The following MYRIP variants were observed in gnomAD, a reference collection of about 807,000 sequenced individuals.
The protein encoded by MYRIP is myosin VIIA and Rab interacting protein, also known as rab effector MyRIP.
Under a neutral mutation model 98.0 loss-of-function variants are expected in MYRIP, and 49 were observed. That is an observed-to-expected ratio of 0.50 (90% CI 0.40 to 0.63). MYRIP has a LOEUF of 0.63. Among genes scored for constraint, MYRIP ranks in the 30% least tolerant of loss-of-function variants. The probability of loss-of-function intolerance (pLI) is 0.00; values close to 1 mark genes in which losing one functional copy is unlikely to be tolerated. For missense variants in MYRIP, 1,004 were observed against 1,058.2 expected, an observed-to-expected ratio of 0.95 and a Z score of 0.71; for synonymous variants, 404 against 409.5, an observed-to-expected ratio of 0.99 and a Z score of 0.16.
intron 11 of MYRIP, among the ~76,000 whole-genome samples, chr3:40,212,606 TAAAA>T (rs889238307): frequency 1.3e-5 from 2 of 151,950 alleles, no homozygotes; most frequent in Non-Finnish European, 2.9e-5. Flanking sequence ...CCATCTCTAC[TAAAA>T]AATTAGCCAG....
rs571786141 is a variant in MYRIP, at chr3:40,221,701, A to G, written c.1905+11608A>G. On this transcript the variant is annotated intron_variant, in intron 11 of 16. Transcript: ENST00000302541. ...AACAGGCAGCCTGCCACCATAAAAT[A>G]GTGGGAGCACATATTAGAGTCTGAT... Among the ~76,000 whole-genome samples, 26 of 152,372 alleles carry G rather than the reference A, an allele frequency of 1.7e-4. 1 individual carries two copies. Among genetic ancestry groups the G allele is most frequent in the Non-Finnish European group, 2.1e-4 (14 of 68,040 alleles).
intron 13 of MYRIP, chr3:40,248,201 G>C (rs1953263815): frequency 6.6e-6 from 1 of 152,272 alleles, no homozygotes; most frequent in Non-Finnish European, 1.5e-5. Flanking sequence ...CTACTTTTGA[G>C]ACAGAGTGCC....
At position 40,051,594 on chromosome 3, in the gene MYRIP, C is replaced by T. The variant is rs1947796466; in HGVS notation, c.332+7323C>T. 2.0e-5 allele frequency among the ~76,000 whole-genome samples: 3 copies of T among 152,168 alleles called. No individual in the cohort carries two copies. In the South Asian group the frequency reaches 6.2e-4, roughly 32 times the overall value. ...TATTGTGGTGGTCTGGAACTGAACCCACAATATGCCCAAGGTGTGCCTACA... is the reference window on the plus strand; with the variant it reads ...TATTGTGGTGGTCTGGAACTGAACCTACAATATGCCCAAGGTGTGCCTACA... On this transcript the variant is annotated intron_variant, in intron 3 of 16. Transcript: ENST00000302541.
chr3:40,189,920 C>T lies in MYRIP; in HGVS notation c.1122C>T (p.Ser374=), dbSNP rs758443012. The T allele has an allele frequency of 2.2e-5, 36 of 1,614,054 alleles. No homozygotes were observed. The highest frequency in any genetic ancestry group is 1.2e-4 in the Admixed American group (7 of 60,008). The change falls in exon 10 of 17, where the codon AGC becomes AGT. Residue 374 remains serine (S), a synonymous_variant. Transcript: ENST00000302541. Reference sequence around the variant, plus strand: ...CCCGACTACTGGCCAAACCTAAGAGCGGGACGTTTCAGGCCCTGGAGGTGG... The same window carrying T: ...CCCGACTACTGGCCAAACCTAAGAGTGGGACGTTTCAGGCCCTGGAGGTGG... The part of the protein sequence containing the change: ...PPTRLLAKPK[S]GTFQALEVAS...
intron 2 of MYRIP, among the ~76,000 whole-genome samples, chr3:39,931,622 T>C (rs1944539163): frequency 6.6e-6 from 1 of 152,188 alleles, no homozygotes; most frequent in Non-Finnish European, 1.5e-5. Context: ...CAGTCTTTAT[T>C]CATGAACTAT....
chr3:40,183,549 G>C (rs923331161), intron 9 of MYRIP, among the ~76,000 whole-genome samples: 9 of 152,200 alleles, frequency 5.9e-5, no homozygotes, highest in African/African-American at 2.2e-4. Context: ...ACCCATCACT[G>C]TGGGTGACGG....
intron 10 of MYRIP, among the ~76,000 whole-genome samples, chr3:40,195,446 C>T (rs571174079): frequency 1.7e-4 from 26 of 152,244 alleles, no homozygotes; most frequent in African/African-American, 5.1e-4. Flanking sequence ...GAGTTCATCA[C>T]CATGCCCAGC....
chr3:40,255,751 G>A (rs1447919682), intron 16 of MYRIP, among the ~76,000 whole-genome samples: 1 of 152,134 alleles, frequency 6.6e-6, no homozygotes, highest in Non-Finnish European at 1.5e-5. Flanking sequence ...TCCCTTATCA[G>A]CCTTTGACAG....
intron 3 of MYRIP, among the ~76,000 whole-genome samples, chr3:40,094,828 TTTGCTGTTGC>T (rs1445583735): frequency 6.6e-6 from 1 of 152,232 alleles, no homozygotes; most frequent in African/African-American, 2.4e-5. Flanking sequence ...GCTCAGTTCT[TTTGCTGTTGC>T]TTTCTGCTGA....
At chr3:40,227,502 A>C (rs1377248280) in intron 11 of MYRIP, among the ~76,000 whole-genome samples, 1 of 152,014 alleles carries the variant, frequency 6.6e-6, no homozygotes, top group Non-Finnish European at 1.5e-5. Context: ...TGGTGGTATG[A>C]TCCCATCTTT....
intron 3 of MYRIP, among the ~76,000 whole-genome samples, chr3:40,044,670 G>A (rs555184767): frequency 3.3e-5 from 5 of 152,306 alleles, no homozygotes; most frequent in African/African-American, 1.2e-4. Flanking sequence ...TGACTCAGAG[G>A]CATAGCGGAT....
At chr3:40,119,185 C>T (rs551281671) in intron 3 of MYRIP, among the ~76,000 whole-genome samples, 2 of 151,998 alleles carry the variant, frequency 1.3e-5, no homozygotes, top group African/African-American at 4.8e-5. Flanking sequence ...AACTAGATTA[C>T]AGTCCCACCA....
At chr3:39,984,540 T>A (rs1272028258) in intron 2 of MYRIP, among the ~76,000 whole-genome samples, 1 of 152,240 alleles carries the variant, frequency 6.6e-6, no homozygotes, top group East Asian at 1.9e-4. Context: ...TCCATGTCCC[T>A]ACAAAGGACA....
At chr3:40,093,108 G>A in intron 3 of MYRIP, among the ~76,000 whole-genome samples, 1 of 152,196 alleles carries the variant, frequency 6.6e-6, no homozygotes, top group East Asian at 1.9e-4. Context: ...CAGCAAACAA[G>A]CATAGGGTTT....
intron 11 of MYRIP, among the ~76,000 whole-genome samples, chr3:40,215,082 T>C (rs1447342696): frequency 6.6e-6 from 1 of 152,226 alleles, no homozygotes; most frequent in East Asian, 1.9e-4. Flanking sequence ...ATCAATCTTT[T>C]GGAACATGAG....
In MYRIP at chr3:40,005,523, A is replaced by G. The variant is rs908552763; in HGVS notation, c.111-38527A>G. ...AAAATTAATAAGCCAAAACAATCAT[A>G]GTTTTCAAAATAATACAGATGAAAG... On this transcript the variant is annotated intron_variant, in intron 2 of 16. Coordinates refer to ENST00000302541, the MANE Select transcript of MYRIP (RefSeq NM_015460.4). Among the ~76,000 whole-genome samples, 11 of 152,390 alleles carry G rather than the reference A, an allele frequency of 7.2e-5. No homozygotes were observed. The East Asian group carries it at 2.1e-3, about 29-fold the overall frequency.
intron 9 of MYRIP, among the ~76,000 whole-genome samples, chr3:40,185,206 G>A (rs553787500): frequency 6.6e-6 from 1 of 152,254 alleles, no homozygotes; most frequent in South Asian, 2.1e-4. Context: ...TGCACAGTTG[G>A]GGTCAGTCTT....
chr3:39,999,629 G>T (rs1946464946), intron 2 of MYRIP, among the ~76,000 whole-genome samples: 1 of 152,162 alleles, frequency 6.6e-6, no homozygotes, highest in South Asian at 2.1e-4. Flanking sequence ...TATTCCTCAG[G>T]GATCTAGAAC....
At chr3:40,160,002 G>A (rs1281532694) in intron 4 of MYRIP, among the ~76,000 whole-genome samples, 1 of 152,210 alleles carries the variant, frequency 6.6e-6, no homozygotes, top group Non-Finnish European at 1.5e-5. Context: ...GGTCGTCAAA[G>A]TCATTCTCCG....
Sources: gnomAD v4.1 joint callset for allele counts (sites outside exome capture counted in the v4.1 genomes callset) on GRCh38, gnomAD v4.1.1 for gene constraint, MANE v1.5 for transcripts, NCBI Gene and HGNC (gene_info 2026-07-23, HGNC 2026-07-21) for gene names.